ZNF804B: variants seen among roughly 807,000 people sequenced by gnomAD.
ZNF804B encodes zinc finger protein 804B.
ZNF804B carries 80 observed loss-of-function variants against 101.4 expected under a neutral mutation model. The observed-to-expected ratio is 0.79, with a 90% confidence interval of 0.66 to 0.95. The LOEUF is 0.95. Ranked by LOEUF, ZNF804B falls within the 40% of genes least tolerant of loss-of-function variation. The pLI, the probability that ZNF804B is intolerant of heterozygous loss-of-function variation, is 0.00. For missense variants in ZNF804B, 1,673 were observed against 1,561.9 expected, an observed-to-expected ratio of 1.07 and a Z score of -1.20; for synonymous variants, 622 against 558.8, an observed-to-expected ratio of 1.11 and a Z score of -1.59.
intron 1 of ZNF804B, among the ~76,000 whole-genome samples, chr7:89,107,838 G>T (rs185021840): frequency 6.6e-6 from 1 of 152,248 alleles, no homozygotes; most frequent in African/African-American, 2.4e-5. Flanking sequence ...TTACTAAGCG[G>T]CATGGGGGGT....
At chr7:88,951,517 A>G (rs2116068930) in intron 1 of ZNF804B, among the ~76,000 whole-genome samples, 1 of 152,048 alleles carries the variant, frequency 6.6e-6, no homozygotes, top group South Asian at 2.1e-4. Context: ...TGATTCTGCA[A>G]TGATAGCAAT....
chr7:88,788,324 A>G (rs1388363153), intron 1 of ZNF804B, among the ~76,000 whole-genome samples: 4 of 152,216 alleles, frequency 2.6e-5, no homozygotes, highest in African/African-American at 7.2e-5. Context: ...TCTTGCTTCC[A>G]GTACTCTGGT....
At position 89,334,739 on chromosome 7, in the gene ZNF804B, C is replaced by T; in HGVS notation, c.1757C>T (p.Thr586Ile). The stretch of plus-strand genomic sequence containing the variant: ...CCTAAAGTGCCTCTTTACCTCAACA[C>T]ATCTCTAAAGGATTGTGCTGGAAAG... ...KNPKVPLYLNTSLKDCAGKNN... is the reference protein window; with the variant it reads ...KNPKVPLYLNISLKDCAGKNN... Residue 586 changes from threonine (T) to isoleucine (I), a missense_variant, in exon 4 of 4, where the codon ACA becomes ATA. Coordinates refer to ENST00000333190, the MANE Select transcript of ZNF804B (RefSeq NM_181646.5). 1 of 1,613,740 alleles carries T rather than the reference C, an allele frequency of 6.2e-7. No homozygotes were observed. Among genetic ancestry groups the T allele is most frequent in the South Asian group, 1.1e-5 (1 of 91,078 alleles).
chr7:88,858,911 A>C (rs1364288526), intron 1 of ZNF804B, among the ~76,000 whole-genome samples: 1 of 152,094 alleles, frequency 6.6e-6, no homozygotes, highest in Non-Finnish European at 1.5e-5. Flanking sequence ...GCATATTTTC[A>C]ACAGTAATTT....
chr7:88,834,489 A>C (rs896503832), intron 1 of ZNF804B, among the ~76,000 whole-genome samples: 1 of 151,906 alleles, frequency 6.6e-6, no homozygotes, highest in East Asian at 1.9e-4. Flanking sequence ...GAAAACGCAC[A>C]TGATAATGGA....
Position 89,333,879 on chromosome 7 carries a change from C to T in ZNF804B, c.897C>T (p.Asn299=). The T allele has an allele frequency of 1.9e-6, 3 of 1,610,856 alleles. No homozygotes were observed. The highest frequency in any genetic ancestry group is 2.5e-6 in the Non-Finnish European group (3 of 1,178,244). ...ESVLHNTISI[N]SKILQDKHDS... ...TTTTACACAATACCATCTCCATAAA[C>T]TCTAAAATTTTGCAAGACAAACACG... The change falls in exon 4 of 4, where the codon AAC becomes AAT. Residue 299 remains asparagine (N), a synonymous_variant. Coordinates refer to ENST00000333190, the MANE Select transcript of ZNF804B (RefSeq NM_181646.5).
chr7:89,313,037 A>G (rs1489228413), intron 2 of ZNF804B, among the ~76,000 whole-genome samples: 1 of 152,214 alleles, frequency 6.6e-6, no homozygotes, highest in Non-Finnish European at 1.5e-5. Flanking sequence ...ACTTTCTAAC[A>G]GTGAGCTACT....
intron 2 of ZNF804B, among the ~76,000 whole-genome samples, chr7:89,275,200 C>G (rs947555160): frequency 1.3e-5 from 2 of 151,948 alleles, no homozygotes; most frequent in Non-Finnish European, 2.9e-5. Flanking sequence ...GCCAAAAACT[C>G]CATCTTCTCT....
chr7:88,878,336 T>G (rs566022590), intron 1 of ZNF804B, among the ~76,000 whole-genome samples: 6 of 152,294 alleles, frequency 3.9e-5, no homozygotes, highest in African/African-American at 1.4e-4. Flanking sequence ...TAGAATTTAT[T>G]ATTTATATCA....
chr7:88,853,577 A>G (rs933173414), intron 1 of ZNF804B, among the ~76,000 whole-genome samples: 1 of 152,244 alleles, frequency 6.6e-6, no homozygotes, highest in East Asian at 1.9e-4. Flanking sequence ...AGTAGTCAAT[A>G]TCTCTCTAAA....
At chr7:89,156,721 C>T (rs939412581) in intron 1 of ZNF804B, among the ~76,000 whole-genome samples, 3 of 151,896 alleles carry the variant, frequency 2.0e-5, no homozygotes, top group African/African-American at 7.3e-5. Flanking sequence ...GTTGCTTTTG[C>T]ACCATTTCTC....
intron 1 of ZNF804B, among the ~76,000 whole-genome samples, chr7:89,189,747 G>A (rs1011390675): frequency 1.3e-5 from 2 of 152,026 alleles, no homozygotes; most frequent in African/African-American, 4.8e-5. Flanking sequence ...TTCTCTCTGG[G>A]ACTGATAATT....
At chr7:89,118,036 G>A (rs1790337065) in intron 1 of ZNF804B, among the ~76,000 whole-genome samples, 1 of 152,064 alleles carries the variant, frequency 6.6e-6, no homozygotes, top group Non-Finnish European at 1.5e-5. Flanking sequence ...TTCTACATTT[G>A]AGAGCAGCAA....
intron 1 of ZNF804B, among the ~76,000 whole-genome samples, chr7:88,850,978 G>A (rs1474084704): frequency 6.6e-6 from 1 of 152,040 alleles, no homozygotes; most frequent in Non-Finnish European, 1.5e-5. Flanking sequence ...GGCTTCCAAA[G>A]ATAAAAAGTT....
At position 89,336,313 on chromosome 7, in the gene ZNF804B, G is replaced by A; in HGVS notation, c.3331G>A (p.Glu1111Lys). The part of the protein sequence containing the change: ...QDVSMHINHV[E>K]GNINSYYDRT... ...TGTAAGCATGCATATAAATCATGTA[G>A]AGGGAAATATAAACTCTTACTATGA... The change falls in exon 4 of 4, where the codon GAG becomes AAG. Residue 1111 changes from glutamate (E) to lysine (K), a missense_variant. Glu to Lys is a moderately conservative substitution (Grantham distance 56, BLOSUM62 1). Coordinates refer to ENST00000333190, the MANE Select transcript of ZNF804B (RefSeq NM_181646.5). 3 of 1,613,860 alleles carry A rather than the reference G, an allele frequency of 1.9e-6. No individual in the cohort carries two copies. Among genetic ancestry groups the A allele is most frequent in the Non-Finnish European group, 2.5e-6 (3 of 1,179,950 alleles).
At chr7:89,225,293 C>T (rs1246552810) in intron 2 of ZNF804B, among the ~76,000 whole-genome samples, 1 of 152,104 alleles carries the variant, frequency 6.6e-6, no homozygotes, top group Non-Finnish European at 1.5e-5. Flanking sequence ...AATAGGATAT[C>T]TACAAACACT....
chr7:89,306,044 A>C (rs1427577620), intron 2 of ZNF804B, among the ~76,000 whole-genome samples: 3 of 151,950 alleles, frequency 2.0e-5, no homozygotes, highest in African/African-American at 7.2e-5. Flanking sequence ...TTTTGTTTTA[A>C]AATAGACTAA....
chr7:89,295,395 C>T (rs1790366036), intron 2 of ZNF804B, among the ~76,000 whole-genome samples: 1 of 152,088 alleles, frequency 6.6e-6, no homozygotes, highest in African/African-American at 2.4e-5. Flanking sequence ...TCTTACTTTG[C>T]ATATTCCCTG....
At chr7:89,236,331 A>G (rs1789280741) in intron 2 of ZNF804B, among the ~76,000 whole-genome samples, 1 of 152,116 alleles carries the variant, frequency 6.6e-6, no homozygotes, top group Non-Finnish European at 1.5e-5. Flanking sequence ...AGGTGAGAAG[A>G]GGAGAGCATG....
Sources: gnomAD v4.1 joint callset for allele counts (sites outside exome capture counted in the v4.1 genomes callset) on GRCh38, gnomAD v4.1.1 for gene constraint, MANE v1.5 for transcripts, NCBI Gene and HGNC (gene_info 2026-07-23, HGNC 2026-07-21) for gene names.